ACYP2: variants seen among roughly 807,000 people sequenced by gnomAD.
ACYP2 encodes the protein acylphosphatase 2, also known as acylphosphatase-2.
In ACYP2, 12 loss-of-function variants were observed where a neutral mutation model predicts 11.2. The ratio of observed to expected loss-of-function variants is 1.08; its 90% CI spans 0.69 to 1.74. The LOEUF (loss-of-function observed/expected upper bound fraction) is 1.74. Ranked by LOEUF, ACYP2 falls within the 40% of genes most tolerant of loss-of-function variation. ACYP2 has a pLI of 0.00. For synonymous variants in ACYP2, 43 were observed against 32.2 expected (o/e 1.33, Z -1.13); for missense variants, 134 against 101.9 (o/e 1.31, Z -1.35).
chr2:54,077,789 G>C (rs1677425933), intron 4 of ACYP2, among the ~76,000 whole-genome samples: 1 of 152,184 alleles, frequency 6.6e-6, no homozygotes, highest in African/African-American at 2.4e-5. Flanking sequence ...ATGTAAATTA[G>C]TAGTAGCGCT....
intron 4 of ACYP2, among the ~76,000 whole-genome samples, chr2:54,090,748 C>T (rs1187634578): frequency 2.0e-5 from 3 of 152,198 alleles, no homozygotes; most frequent in Non-Finnish European, 1.5e-5. Flanking sequence ...TGCCTTTTGC[C>T]CTATTTTCCT....
chr2:54,055,264 T>C (rs1255806940), intron 3 of ACYP2, among the ~76,000 whole-genome samples: 1 of 152,196 alleles, frequency 6.6e-6, no homozygotes, highest in Non-Finnish European at 1.5e-5. Context: ...CTAGAACTCC[T>C]GACCTCAGAG....
At chr2:54,118,227 G>T (rs1003584119) in intron 4 of ACYP2, among the ~76,000 whole-genome samples, 2 of 152,316 alleles carry the variant, frequency 1.3e-5, no homozygotes, top group Non-Finnish European at 2.9e-5. Flanking sequence ...GAACCCAGCG[G>T]TATGTTATCC....
chr2:54,217,852 G>C (rs937744621), intron 6 of ACYP2, among the ~76,000 whole-genome samples: 1 of 152,098 alleles, frequency 6.6e-6, no homozygotes, highest in Admixed American at 6.5e-5. Flanking sequence ...GTGAGATGAG[G>C]GTTGAAAAAA....
At chr2:54,171,822 T>A (rs1683232482) in intron 6 of ACYP2, among the ~76,000 whole-genome samples, 1 of 152,218 alleles carries the variant, frequency 6.6e-6, no homozygotes, top group Non-Finnish European at 1.5e-5. Context: ...CTTAATACAT[T>A]TCTAATTACA....
chr2:54,068,207 A>C (rs529637289), intron 4 of ACYP2, among the ~76,000 whole-genome samples: 11 of 152,224 alleles, frequency 7.2e-5, no homozygotes, highest in African/African-American at 2.4e-4. Flanking sequence ...GTTTTTGTTG[A>C]ATTTGAGAGA....
At chr2:54,181,614 T>C (rs537961128) in intron 6 of ACYP2, among the ~76,000 whole-genome samples, 1 of 152,322 alleles carries the variant, frequency 6.6e-6, no homozygotes, top group Admixed American at 6.5e-5. Flanking sequence ...GTAATACCCA[T>C]TTCCAATGAT....
At chr2:54,302,805 C>T (rs1270925532) in intron 6 of ACYP2, among the ~76,000 whole-genome samples, 4 of 152,136 alleles carry the variant, frequency 2.6e-5, no homozygotes, top group Non-Finnish European at 5.9e-5. Flanking sequence ...ACTCTGGTGT[C>T]ATCCTTCACT....
chr2:54,158,915 T>A (rs1280358152), intron 6 of ACYP2, among the ~76,000 whole-genome samples: 1 of 152,198 alleles, frequency 6.6e-6, no homozygotes, highest in Non-Finnish European at 1.5e-5. Flanking sequence ...TTTTGATGCA[T>A]AATGCAAGTT....
chr2:54,292,670 AC>A (rs1374285630), intron 6 of ACYP2, among the ~76,000 whole-genome samples: 1 of 62 alleles, frequency 0.016, no homozygotes, highest in Non-Finnish European at 0.028. Context: ...ATATATGTAT[AC>A]ACACACACAC....
chr2:54,233,286 T>G (rs965452576), intron 6 of ACYP2, among the ~76,000 whole-genome samples: 3 of 151,510 alleles, frequency 2.0e-5, no homozygotes, highest in Non-Finnish European at 4.4e-5. Flanking sequence ...AATGAACATA[T>G]GTATCATTCC....
intron 6 of ACYP2, among the ~76,000 whole-genome samples, chr2:54,302,979 G>A (rs952276362): frequency 6.6e-6 from 1 of 152,142 alleles, no homozygotes; most frequent in South Asian, 2.1e-4. Context: ...ATAACTGGGG[G>A]CAATAATAGC....
chr2:53,971,448 A>G (rs779999827), intron 1 of ACYP2: 1 of 152,040 alleles, frequency 6.6e-6, no homozygotes, highest in Non-Finnish European at 1.5e-5. Context: ...TATAGATTTA[A>G]TTTTTCTGTC....
At chr2:54,171,360 C>G (rs1415986921) in intron 6 of ACYP2, among the ~76,000 whole-genome samples, 1 of 152,122 alleles carries the variant, frequency 6.6e-6, no homozygotes, top group Non-Finnish European at 1.5e-5. Context: ...TATCGGGGGG[C>G]GAGCTGTTAC....
chr2:54,001,446 T>G (rs1029943810), intron 2 of ACYP2, among the ~76,000 whole-genome samples: 5 of 152,198 alleles, frequency 3.3e-5, no homozygotes, highest in Non-Finnish European at 5.9e-5. Context: ...CAGGTTGAAG[T>G]GCAGTGGTGT....
chr2:54,214,765 A>C (rs1685487572), intron 6 of ACYP2, among the ~76,000 whole-genome samples: 1 of 152,146 alleles, frequency 6.6e-6, no homozygotes, highest in Non-Finnish European at 1.5e-5. Context: ...ATTTTAGAAG[A>C]GTTTTTTCTA....
At chr2:54,244,430 G>A (rs1686863716) in intron 6 of ACYP2, among the ~76,000 whole-genome samples, 1 of 152,112 alleles carries the variant, frequency 6.6e-6, no homozygotes, top group Admixed American at 6.5e-5. Flanking sequence ...TCGAACTCCT[G>A]ACCTCAAGTG....
At chr2:53,978,015 A>G (rs895381543) in intron 2 of ACYP2, among the ~76,000 whole-genome samples, 73 of 152,148 alleles carry the variant, frequency 4.8e-4, no homozygotes, top group African/African-American at 1.5e-3. Flanking sequence ...TAATCCCAGC[A>G]CTTTGGGAGG....
chr2:54,198,390 G>A (rs908713816), intron 6 of ACYP2, among the ~76,000 whole-genome samples: 2 of 151,894 alleles, frequency 1.3e-5, no homozygotes, highest in Non-Finnish European at 2.9e-5. Flanking sequence ...AGGAAGCCAG[G>A]AACCAGTTAG....
Sources: allele counts gnomAD v4.1 joint callset (sites outside exome capture counted in the v4.1 genomes callset), GRCh38; gene constraint gnomAD v4.1.1; transcripts MANE v1.5; gene names NCBI Gene and HGNC (gene_info 2026-07-23, HGNC 2026-07-21).